Variants in TMPRSS15 observed in about 807,000 individuals in gnomAD.
The protein encoded by TMPRSS15 is enteropeptidase.
Under a neutral mutation model 125.3 loss-of-function variants are expected in TMPRSS15, and 128 were observed. That is an observed-to-expected ratio of 1.02 (90% CI 0.89 to 1.18). The LOEUF is 1.18. Among genes scored for constraint, TMPRSS15 ranks in the 50% most tolerant of loss-of-function variants. The pLI, the probability that TMPRSS15 is intolerant of heterozygous loss-of-function variation, is 0.00. For missense variants in TMPRSS15, 1,283 were observed against 1,212.7 expected, an observed-to-expected ratio of 1.06 and a Z score of -0.86; for synonymous variants, 446 against 423.2, an observed-to-expected ratio of 1.05 and a Z score of -0.66.
rs1420746955 is a variant in TMPRSS15 at position 18,270,508 on chromosome 21, C to A, written c.2905-384G>T. On this transcript the variant is annotated intron_variant, in intron 24 of 24. Transcript: ENST00000284885. The stretch of plus-strand genomic sequence containing the variant: ...GATCTGCTGTAAGTGCCACAAAGGA[C>A]ACTATGGAAAAGACAAATTATTTCA... Among the ~76,000 whole-genome samples, 3 of 152,184 alleles carry A rather than the reference C, an allele frequency of 2.0e-5. No individual in the cohort carries two copies. The East Asian group carries it at 5.8e-4, about 29-fold the overall frequency.
chr21:18,300,166 G>A (rs2074951242), intron 18 of TMPRSS15, among the ~76,000 whole-genome samples: 1 of 151,964 alleles, frequency 6.6e-6, no homozygotes, highest in African/African-American at 2.4e-5. Context: ...TTAAGACAGA[G>A]CCCGAAGGGA....
At chr21:18,276,579 T>G (rs1046201273) in intron 23 of TMPRSS15, among the ~76,000 whole-genome samples, 1 of 152,058 alleles carries the variant, frequency 6.6e-6, no homozygotes, top group African/African-American at 2.4e-5. Flanking sequence ...GATTTAAAAT[T>G]TGTTTGGTAG....
At position 18,472,008 on chromosome 21, in the gene TMPRSS15, G is replaced by A. The variant is rs944105002; in HGVS notation, c.10+13791C>T. On this transcript the variant is annotated intron_variant, in intron 1 of 7. Transcript: ENST00000422787. ...CAAACTGATTAAATGGAAAGTAAAA[G>A]GAAAATCATAGGGAGAGACAGAATA... Among the ~76,000 whole-genome samples the A allele has an allele frequency of 9.1e-4, 138 of 151,998 alleles. 1 individual carries two copies. Among genetic ancestry groups the A allele is most frequent in the Non-Finnish European group, 4.4e-5 (3 of 67,994 alleles).
intron 17 of TMPRSS15, 103 bp downstream of exon 17, chr21:18,315,043 A>C (rs923578233): frequency 5.9e-5 from 55 of 926,090 alleles, no homozygotes; most frequent in Non-Finnish European, 9.1e-5. Flanking sequence ...CCAAAGCATC[A>C]AAACAGGTCC....
At chr21:18,400,423 C>CTACA (rs2076084378) in intron 1 of TMPRSS15, among the ~76,000 whole-genome samples, 1 of 151,970 alleles carries the variant, frequency 6.6e-6, no homozygotes, top group Non-Finnish European at 1.5e-5. Flanking sequence ...TAAAGTAAAG[C>CTACA]TACACATCTA....
intron 10 of TMPRSS15, among the ~76,000 whole-genome samples, chr21:18,348,093 G>A (rs968695220): frequency 6.6e-6 from 1 of 152,086 alleles, no homozygotes; most frequent in Non-Finnish European, 1.5e-5. Context: ...GCTGAGGTGG[G>A]AGTATCTCTT....
At chr21:18,423,448 G>A (rs1046473196) in intron 1 of TMPRSS15, among the ~76,000 whole-genome samples, 1 of 142,054 alleles carries the variant, frequency 7.0e-6, no homozygotes, top group South Asian at 2.2e-4. Flanking sequence ...TCGCTCTGTC[G>A]CCCAGGCTGG....
chr21:18,453,957 G>A (rs1978389190), intron 1 of TMPRSS15, among the ~76,000 whole-genome samples: 1 of 152,136 alleles, frequency 6.6e-6, no homozygotes, highest in Non-Finnish European at 1.5e-5. Context: ...TAAACTCATG[G>A]GAGCAAAGCA....
chr21:18,404,233 T>C (rs1246092947), upstream of TMPRSS15, among the ~76,000 whole-genome samples: 3 of 152,352 alleles, frequency 2.0e-5, no homozygotes, highest in African/African-American at 4.8e-5. Context: ...AACTTTGTTA[T>C]GTCACCCAGG....
chr21:18,322,154 G>A (rs2075245068), intron 16 of TMPRSS15, among the ~76,000 whole-genome samples: 1 of 152,048 alleles, frequency 6.6e-6, no homozygotes, highest in African/African-American at 2.4e-5. Flanking sequence ...TGCTGATATT[G>A]TTTTTCAAAA....
At chr21:18,399,506 AC>A (rs1485799921) in intron 1 of TMPRSS15, among the ~76,000 whole-genome samples, 1 of 152,164 alleles carries the variant, frequency 6.6e-6, no homozygotes, top group East Asian at 1.9e-4. Context: ...ACAAAGAAGG[AC>A]TGAGGAACTA....
intron 1 of TMPRSS15, among the ~76,000 whole-genome samples, chr21:18,436,629 A>T (rs1173697276): frequency 6.6e-6 from 1 of 151,272 alleles, no homozygotes; most frequent in East Asian, 1.9e-4. Flanking sequence ...AATCACAAGC[A>T]TTCTTACACA....
At chr21:18,444,712 A>G (rs1199346416) in intron 1 of TMPRSS15, among the ~76,000 whole-genome samples, 1 of 152,080 alleles carries the variant, frequency 6.6e-6, no homozygotes, top group Non-Finnish European at 1.5e-5. Flanking sequence ...AACATTCAAA[A>G]CTTTCTCTTT....
At chr21:18,316,024 AAT>A (rs3077991) in intron 16 of TMPRSS15, among the ~76,000 whole-genome samples, 130,170 of 142,930 alleles carry the variant, frequency 0.91, 59,242 homozygotes, top group African/African-American at 0.95. Flanking sequence ...AGTATAATAA[AAT>A]ATATATATAT....
At chr21:18,415,832 A>G (rs1170228011) in intron 1 of TMPRSS15, among the ~76,000 whole-genome samples, 1 of 152,138 alleles carries the variant, frequency 6.6e-6, no homozygotes, top group African/African-American at 2.4e-5. Context: ...AGAAGGAATC[A>G]AAATTGTAAA....
chr21:18,310,474 A>G (rs964010989), intron 18 of TMPRSS15, among the ~76,000 whole-genome samples: 1 of 152,038 alleles, frequency 6.6e-6, no homozygotes, highest in African/African-American at 2.4e-5. Flanking sequence ...ACAAAAAAAA[A>G]CAAACACCTA....
chr21:18,472,964 A>G (rs1048194553), intron 1 of TMPRSS15, among the ~76,000 whole-genome samples: 1 of 152,142 alleles, frequency 6.6e-6, no homozygotes, highest in Non-Finnish European at 1.5e-5. Flanking sequence ...CTACTACAAG[A>G]TGGATGTTAT....
At chr21:18,395,429 C>A (rs2076025970) in intron 3 of TMPRSS15, among the ~76,000 whole-genome samples, 2 of 152,032 alleles carry the variant, frequency 1.3e-5, no homozygotes, top group South Asian at 4.1e-4. Flanking sequence ...TTCACAAACC[C>A]CTAGTGAGGA....
At chr21:18,412,333 G>T (rs2076168047) in intron 1 of TMPRSS15, among the ~76,000 whole-genome samples, 1 of 152,144 alleles carries the variant, frequency 6.6e-6, no homozygotes, top group South Asian at 2.1e-4. Context: ...TTTGTCCACA[G>T]AATCAGTTTT....
Sources: allele counts gnomAD v4.1 joint callset (sites outside exome capture counted in the v4.1 genomes callset), GRCh38; gene constraint gnomAD v4.1.1; transcripts MANE v1.5; gene names NCBI Gene and HGNC (gene_info 2026-07-23, HGNC 2026-07-21).